SYT13: variants seen among roughly 807,000 people sequenced by gnomAD.
SYT13 encodes the protein synaptotagmin 13.
A neutral mutation model predicts 38.6 loss-of-function variants in SYT13; 21 were observed. That is an observed-to-expected ratio of 0.54 (90% CI 0.39 to 0.78). SYT13 has a LOEUF of 0.78. Ranked by LOEUF, SYT13 falls within the 30% of genes least tolerant of loss-of-function variation. The pLI is 0.00. For synonymous variants in SYT13, 241 were observed against 237.6 expected, an observed-to-expected ratio of 1.01 and a Z score of -0.13; for missense variants, 495 against 548.7, an observed-to-expected ratio of 0.90 and a Z score of 0.98.
At chr11:45,248,693 T>A (rs6485604) in intron 4 of SYT13, among the ~76,000 whole-genome samples, 1 of 152,134 alleles carries the variant, frequency 6.6e-6, no homozygotes, top group Non-Finnish European at 1.5e-5. Context: ...GGCTCATCAC[T>A]GATTATTAGA....
At chr11:45,283,708 C>T (rs1428544309) in intron 1 of SYT13, among the ~76,000 whole-genome samples, 1 of 152,192 alleles carries the variant, frequency 6.6e-6, no homozygotes, top group Non-Finnish European at 1.5e-5. Flanking sequence ...CATGTATCAA[C>T]AAATATTTAT....
chr11:45,259,563 A>G, intron 1 of SYT13, among the ~76,000 whole-genome samples: 1 of 152,100 alleles, frequency 6.6e-6, no homozygotes, highest in East Asian at 1.9e-4. Flanking sequence ...AGAGCAAAAG[A>G]TTGGGCATTT....
rs1266501896 is a variant in SYT13 at position 45,263,985 on chromosome 11, G to T, written c.184-8094C>A. 2.6e-5 allele frequency among the ~76,000 whole-genome samples: 4 copies of T among 152,256 alleles called. No homozygotes were observed. In the South Asian group the frequency reaches 8.3e-4, roughly 32 times the overall value. ...GCCCAGCCAACCCTCGACAAATGTC[G>T]GCAATATTTATGTGACCCTAGGGTC... On this transcript the variant is annotated intron_variant, in intron 1 of 5. Coordinates refer to ENST00000020926, the MANE Select transcript of SYT13 (RefSeq NM_020826.3).
intron 1 of SYT13, among the ~76,000 whole-genome samples, chr11:45,267,998 C>T (rs1854905988): frequency 6.6e-6 from 1 of 152,162 alleles, no homozygotes; most frequent in African/African-American, 2.4e-5. Flanking sequence ...TTCTCCTTTT[C>T]CCTTGTGATT....
intron 1 of SYT13, among the ~76,000 whole-genome samples, chr11:45,283,976 A>C (rs1053123230): frequency 6.6e-6 from 1 of 152,254 alleles, no homozygotes; most frequent in Non-Finnish European, 1.5e-5. Flanking sequence ...AGAGAATAAC[A>C]GGAAGAGGGT....
intron 1 of SYT13, among the ~76,000 whole-genome samples, chr11:45,273,168 G>C (rs1323177316): frequency 6.6e-6 from 1 of 152,194 alleles, no homozygotes; most frequent in Non-Finnish European, 1.5e-5. Context: ...AGTATGTAGG[G>C]ACTGGGAGAG....
chr11:45,244,085 C>G lies in SYT13; in HGVS notation c.1248G>C (p.Arg416=), dbSNP rs1854585126. The G allele has an allele frequency of 6.2e-7, 1 of 1,607,940 alleles. No individual in the cohort carries two copies. Among genetic ancestry groups the G allele is most frequent in the Non-Finnish European group, 8.5e-7 (1 of 1,178,600 alleles). ...HWEEMLKNPR[R]QIAMWHQLHL Reference sequence around the variant, plus strand: ...GCAGCTGGTGCCACATGGCAATCTGCCGGCGAGGGTTTTTGAGCATCTCCT... The same window carrying G: ...GCAGCTGGTGCCACATGGCAATCTGGCGGCGAGGGTTTTTGAGCATCTCCT... The change falls in exon 6 of 6, where the codon CGG becomes CGC. Residue 416 remains arginine, a synonymous_variant. Coordinates refer to ENST00000020926, the MANE Select transcript of SYT13 (RefSeq NM_020826.3).
chr11:45,265,477 C>T (rs1266229088), intron 1 of SYT13, among the ~76,000 whole-genome samples: 1 of 152,222 alleles, frequency 6.6e-6, no homozygotes, highest in Non-Finnish European at 1.5e-5. Context: ...ATAAAACTTA[C>T]CGTAAACTGG....
At chr11:45,257,193 T>C (rs111630500) in intron 1 of SYT13, among the ~76,000 whole-genome samples, 38 of 152,238 alleles carry the variant, frequency 2.5e-4, no homozygotes, top group African/African-American at 8.7e-4. Context: ...TATATGGGGC[T>C]CCTCACACAG....
chr11:45,282,544 C>T (rs1278464933), intron 1 of SYT13, among the ~76,000 whole-genome samples: 1 of 152,116 alleles, frequency 6.6e-6, no homozygotes, highest in Non-Finnish European at 1.5e-5. Flanking sequence ...TTTATTAATT[C>T]ATTAAATAAC....
At chr11:45,281,666 CAAA>C (rs747673327) in intron 1 of SYT13, among the ~76,000 whole-genome samples, 10 of 112,092 alleles carry the variant, frequency 8.9e-5, no homozygotes, top group Admixed American at 1.7e-4. Context: ...GACTCTGCCT[CAAA>C]AAAAAAAAAA....
intron 1 of SYT13, among the ~76,000 whole-genome samples, chr11:45,264,464 T>C (rs1367534249): frequency 1.3e-5 from 2 of 152,156 alleles, no homozygotes; most frequent in African/African-American, 4.8e-5. Context: ...AGCTTTCCTA[T>C]AGAGAGCCCC....
chr11:45,256,492 G>T (rs1217820133), intron 1 of SYT13, among the ~76,000 whole-genome samples: 1 of 151,978 alleles, frequency 6.6e-6, no homozygotes, highest in Non-Finnish European at 1.5e-5. Context: ...TGCATGGCTG[G>T]CTCCATCTCA....
At chr11:45,261,976 A>G (rs1287610002) in intron 1 of SYT13, among the ~76,000 whole-genome samples, 1 of 152,116 alleles carries the variant, frequency 6.6e-6, no homozygotes, top group Non-Finnish European at 1.5e-5. Context: ...CTGGGTATAC[A>G]CTCAAAATAT....
At position 45,242,817 on chromosome 11, in the gene SYT13, G is replaced by C. The variant is rs907047414; in HGVS notation, c.*1235C>G. 1.3e-5 allele frequency: 2 copies of C among 152,096 alleles called. No homozygotes were observed. Among genetic ancestry groups the C allele is most frequent in the Non-Finnish European group, 2.9e-5 (2 of 68,044 alleles). The allele number at this position is 152,096 out of a possible 1,614,324, so 9.4% of individuals were successfully genotyped here. On this transcript the variant is annotated 3_prime_UTR_variant, in exon 6 of 6. Coordinates refer to ENST00000020926, the MANE Select transcript of SYT13 (RefSeq NM_020826.3). ...GTAAGTACCGTATCCACTCAGCAAG[G>C]CTCATAATTTAGATTTAATTAACAA...
At chr11:45,263,731 A>G (rs1041031458) in intron 1 of SYT13, among the ~76,000 whole-genome samples, 8 of 152,356 alleles carry the variant, frequency 5.3e-5, no homozygotes, top group Non-Finnish European at 8.8e-5. Context: ...CGTGTATATA[A>G]TGAAATATAT....
chr11:45,280,316 C>A (rs1424621866), intron 1 of SYT13, among the ~76,000 whole-genome samples: 1 of 151,844 alleles, frequency 6.6e-6, no homozygotes, highest in Non-Finnish European at 1.5e-5. Flanking sequence ...CAGGAGGTGG[C>A]CATGGGAGAA....
intron 2 of SYT13, among the ~76,000 whole-genome samples, chr11:45,255,114 T>C (rs1854728263): frequency 6.6e-6 from 1 of 151,690 alleles, no homozygotes; most frequent in South Asian, 2.1e-4. Context: ...AGACCCCATC[T>C]CAAAAAAAAT....
chr11:45,248,631 T>C (rs1854639785), intron 4 of SYT13, among the ~76,000 whole-genome samples: 1 of 152,212 alleles, frequency 6.6e-6, no homozygotes, highest in African/African-American at 2.4e-5. Flanking sequence ...CAGGGACTTG[T>C]ACCAGGCACC....
Sources: allele counts gnomAD v4.1 joint callset (sites outside exome capture counted in the v4.1 genomes callset), GRCh38; gene constraint gnomAD v4.1.1; transcripts MANE v1.5; gene names NCBI Gene and HGNC (gene_info 2026-07-23, HGNC 2026-07-21).